Variants in UXS1 observed in about 807,000 individuals in gnomAD.
The protein encoded by UXS1 is UDP-glucuronic acid decarboxylase 1.
Under a neutral mutation model 62.6 loss-of-function variants are expected in UXS1, and 33 were observed. The ratio of observed to expected loss-of-function variants is 0.53; its 90% CI spans 0.40 to 0.70. The LOEUF is 0.70. UXS1 is among the 30% of genes least tolerant of loss of function. The pLI, the probability that UXS1 is intolerant of heterozygous loss-of-function variation, is 0.00. For synonymous variants in UXS1, 213 were observed against 206.8 expected (o/e 1.03, Z -0.26); for missense variants, 434 against 556.3 (o/e 0.78, Z 2.21).
chr2:106,194,196 T>A lies in UXS1; in HGVS notation c.46A>T (p.Arg16Trp), dbSNP rs1176817194. 1 of 1,469,408 alleles carries A rather than the reference T, an allele frequency of 6.8e-7. No homozygotes were observed. The highest frequency in any genetic ancestry group is 2.3e-5 in the Admixed American group (1 of 43,256). The allele number at this position is 1,469,408 out of a possible 1,614,324, so 91.0% of individuals were successfully genotyped here. The change falls in exon 1 of 15, where the codon AGG (arginine) becomes TGG (tryptophan). Residue 16 changes from arginine to tryptophan, a missense_variant. Coordinates refer to ENST00000283148, the MANE Select transcript of UXS1 (RefSeq NM_001253875.2). The part of the protein sequence containing the change: ...LLRLVSAVNR[R>W]RMKLLLGIAL... ...ATGCCCAGCAGCAGCTTCATCCTCC[T>A]GCGGTTGACGGCAGACACGAGGCGC... is the stretch of plus-strand genomic sequence containing the variant.
rs548438261 is a variant in UXS1 at position 106,191,263 on chromosome 2, C to T, written c.94+2885G>A. Among the ~76,000 whole-genome samples the T allele has an allele frequency of 4.2e-4, 64 of 152,200 alleles. 2 individuals are homozygous for T. The South Asian group carries it at 0.013, about 31-fold the overall frequency. On this transcript the variant is annotated intron_variant, in intron 1 of 14. Coordinates refer to ENST00000283148, the MANE Select transcript of UXS1 (RefSeq NM_001253875.2). ...CGAAACAGGGAGGGCATTTCTGCAA[C>T]GGAGGCTGGCTAACAGTGAGGGTGT...
chr2:106,180,196 C>T (rs1684153980), intron 1 of UXS1, among the ~76,000 whole-genome samples: 1 of 152,218 alleles, frequency 6.6e-6, no homozygotes, highest in African/African-American at 2.4e-5. Context: ...TTTAAAAGCA[C>T]CTAAGACATT....
chr2:106,120,638 T>G (rs1679448299), intron 9 of UXS1, among the ~76,000 whole-genome samples: 1 of 152,210 alleles, frequency 6.6e-6, no homozygotes, highest in South Asian at 2.1e-4. Context: ...TCCTAGAAAG[T>G]GCTGCACCTG....
intron 1 of UXS1, among the ~76,000 whole-genome samples, chr2:106,166,643 C>T (rs954971958): frequency 7.2e-5 from 11 of 151,976 alleles, no homozygotes; most frequent in African/African-American, 2.7e-4. Context: ...TTCTATCTAT[C>T]CCTGCAGTTT....
intron 6 of UXS1, among the ~76,000 whole-genome samples, chr2:106,136,335 A>G (rs1297504396): frequency 4.0e-5 from 6 of 148,736 alleles, no homozygotes; most frequent in Admixed American, 6.7e-5. Flanking sequence ...TAGTTCAACC[A>G]TGGTGGAAGT....
chr2:106,186,985 T>C (rs1436056429), intron 1 of UXS1, among the ~76,000 whole-genome samples: 1 of 152,030 alleles, frequency 6.6e-6, no homozygotes, highest in Non-Finnish European at 1.5e-5. Flanking sequence ...TCTTAGGAGA[T>C]ATATGTAAAG....
intron 5 of UXS1, among the ~76,000 whole-genome samples, chr2:106,151,212 A>T (rs1373037190): frequency 6.6e-6 from 1 of 152,206 alleles, no homozygotes; most frequent in Non-Finnish European, 1.5e-5. Flanking sequence ...TGGTGCTGGA[A>T]CAAGTTAAAA....
At chr2:106,193,439 T>C (rs1439689049) in intron 1 of UXS1, among the ~76,000 whole-genome samples, 1 of 152,048 alleles carries the variant, frequency 6.6e-6, no homozygotes, top group African/African-American at 2.4e-5. Flanking sequence ...GTGCCCCTCC[T>C]GCCCTGTCTC....
chr2:106,129,459 G>A (rs116575247), intron 7 of UXS1, among the ~76,000 whole-genome samples: 177 of 152,332 alleles, frequency 1.2e-3, no homozygotes, highest in African/African-American at 4.2e-3. Flanking sequence ...TGCATGAAAA[G>A]TTAAGTTAGA....
chr2:106,194,217 G>A lies in UXS1; in HGVS notation c.25C>T (p.Leu9Phe), dbSNP rs1039146529. 4.1e-6 allele frequency: 6 copies of A among 1,466,704 alleles called. No homozygotes were observed. Among genetic ancestry groups the A allele is most frequent in the Admixed American group, 4.7e-5 (2 of 42,648 alleles). The allele number at this position is 1,466,704 out of a possible 1,614,324, so 90.9% of individuals were successfully genotyped here. A position where few individuals can be genotyped will look rare whatever the true frequency, so the allele number is the denominator to read the frequency against. ...CTCCTGCGGTTGACGGCAGACACGAGGCGCAGCAGCGCCTTGCTCACCATC... is the reference window on the plus strand; with the variant it reads ...CTCCTGCGGTTGACGGCAGACACGAAGCGCAGCAGCGCCTTGCTCACCATC... MVSKALLR[L>F]VSAVNRRRMK... Residue 9 changes from leucine to phenylalanine, a missense_variant, in exon 1 of 15, where the codon CTC (leucine) becomes TTC (phenylalanine). Physicochemically the swap from Leu to Phe is conservative, Grantham distance 22. Around this residue, in one of 3 missense-constraint regions of UXS1, gnomAD observed 91 missense variants for 71.1 expected, o/e 1.28. Coordinates refer to ENST00000283148, the MANE Select transcript of UXS1 (RefSeq NM_001253875.2).
chr2:106,157,055 A>T (rs539041101), intron 5 of UXS1, among the ~76,000 whole-genome samples: 2 of 152,336 alleles, frequency 1.3e-5, no homozygotes, highest in East Asian at 3.9e-4. Context: ...ATCTACATGG[A>T]CAAAAAACAG....
chr2:106,157,925 A>G, intron 5 of UXS1, 133 bp downstream of exon 5: 1 of 775,384 alleles, frequency 1.3e-6, no homozygotes, highest in African/African-American at 1.7e-5. Context: ...ATGCGGTGCT[A>G]ACTCTGTGGA....
intron 11 of UXS1, chr2:106,101,339 T>C: frequency 1.9e-6 from 1 of 527,844 alleles, no homozygotes; most frequent in Non-Finnish European, 3.3e-6. Context: ...TGGGATTTGC[T>C]TTTTTTGGGT....
intron 10 of UXS1, among the ~76,000 whole-genome samples, chr2:106,105,733 G>C (rs1678007574): frequency 6.6e-6 from 1 of 152,248 alleles, no homozygotes; most frequent in Non-Finnish European, 1.5e-5. Context: ...GAGCGCCACG[G>C]ATCACGCCAC....
chr2:106,138,290 C>G (rs1339235869), intron 6 of UXS1: 1 of 985,386 alleles, frequency 1.0e-6, no homozygotes, highest in African/African-American at 1.7e-5. Flanking sequence ...AATCCCTTGC[C>G]TGCACCACTA....
chr2:106,185,705 G>A (rs950321292), intron 1 of UXS1, among the ~76,000 whole-genome samples: 6 of 152,224 alleles, frequency 3.9e-5, no homozygotes, highest in Admixed American at 3.9e-4. Flanking sequence ...TGTAATTAAA[G>A]ATCTCAAGAC....
chr2:106,172,221 G>A (rs1325120485), intron 1 of UXS1, among the ~76,000 whole-genome samples: 3 of 152,248 alleles, frequency 2.0e-5, no homozygotes, highest in Admixed American at 6.5e-5. Context: ...GTGACAAGCA[G>A]TGGGGGGCGG....
intron 5 of UXS1, among the ~76,000 whole-genome samples, chr2:106,157,309 T>C (rs1177849631): frequency 6.6e-6 from 1 of 152,214 alleles, no homozygotes; most frequent in East Asian, 1.9e-4. Context: ...TTTTTGGACA[T>C]AATTTGTTAC....
chr2:106,126,585 G>A (rs1679974317), intron 7 of UXS1, among the ~76,000 whole-genome samples: 1 of 152,176 alleles, frequency 6.6e-6, no homozygotes. Context: ...CTAGCGTGCA[G>A]CAGCCAGGGG....
Sources: allele counts gnomAD v4.1 joint callset (sites outside exome capture counted in the v4.1 genomes callset), GRCh38; gene constraint gnomAD v4.1.1; regional missense constraint gnomAD v4.1.1; transcripts MANE v1.5; gene names NCBI Gene and HGNC (gene_info 2026-07-23, HGNC 2026-07-21).